The following CACNA1C variants were observed in gnomAD, a reference collection of about 807,000 sequenced individuals.
The protein encoded by CACNA1C is voltage-dependent L-type calcium channel subunit alpha-1C.
A neutral mutation model predicts 229.0 loss-of-function variants in CACNA1C; 30 were observed. That is an observed-to-expected ratio of 0.13 (90% CI 0.10 to 0.18). CACNA1C has a LOEUF of 0.18. CACNA1C is among the 10% of genes least tolerant of loss of function. The pLI, the probability that CACNA1C is intolerant of heterozygous loss-of-function variation, is 1.00. For synonymous variants in CACNA1C, 1,114 were observed against 1,132.5 expected, an observed-to-expected ratio of 0.98 and a Z score of 0.33; for missense variants, 1,658 against 2,845.0, an observed-to-expected ratio of 0.58 and a Z score of 9.49.
intron 3 of CACNA1C, among the ~76,000 whole-genome samples, chr12:2,270,820 C>T (rs550593577): frequency 2.6e-5 from 4 of 152,302 alleles, no homozygotes; most frequent in South Asian, 2.1e-4. Context: ...ACTCCACCTG[C>T]GGGGAGAGCA....
At chr12:2,214,642 T>A (rs2059495485) in intron 3 of CACNA1C, among the ~76,000 whole-genome samples, 1 of 82,870 alleles carries the variant, frequency 1.2e-5, no homozygotes, top group Non-Finnish European at 2.4e-5. Flanking sequence ...GGGATGGCCC[T>A]GTATGCCCTC....
At chr12:2,031,896 C>T (rs2048286189) in intron 1 of CACNA1C, among the ~76,000 whole-genome samples, 1 of 152,124 alleles carries the variant, frequency 6.6e-6, no homozygotes, top group Non-Finnish European at 1.5e-5. Flanking sequence ...TGGGCTGTGT[C>T]TTTTCATGAG....
chr12:2,691,101 C>T lies in CACNA1C; in HGVS notation c.6319C>T (p.Arg2107Ter). 1 of 1,612,040 alleles carries T rather than the reference C, an allele frequency of 6.2e-7. No individual in the cohort carries two copies. Among genetic ancestry groups the T allele is most frequent in the South Asian group, 1.1e-5 (1 of 90,842 alleles). ...GAACTGCAGGGACGCGGGGCAGGAC[C>T]GAGCCGGGGGCGAAGAGGACGCGGG... ...FVNCRDAGQD[R>*]AGGEEDAGCV... The change falls in exon 47 of 47, where the codon CGA becomes TGA. Residue 2107 changes from arginine to a stop codon, truncating the protein, a stop_gained. Coordinates refer to ENST00000399655, the MANE Select transcript of CACNA1C (RefSeq NM_000719.7). LOFTEE classifies it low-confidence loss of function (END_TRUNC).
At chr12:2,443,821 A>G (rs1008862481) in intron 3 of CACNA1C, among the ~76,000 whole-genome samples, 2 of 152,276 alleles carry the variant, frequency 1.3e-5, no homozygotes, top group African/African-American at 2.4e-5. Flanking sequence ...TGACAGCACA[A>G]CGTATGTTTT....
At chr12:2,475,783 C>T (rs778335565) in intron 5 of CACNA1C, among the ~76,000 whole-genome samples, 2 of 152,002 alleles carry the variant, frequency 1.3e-5, no homozygotes, top group Non-Finnish European at 1.5e-5. Flanking sequence ...CTGACAGAAT[C>T]GTTATTTTTA....
rs1041563123 is a variant in CACNA1C, at chr12:2,136,445, TC to T, written c.477+16018del. ...TGGGATTCCAGCCTGGGTGTGTGGCTCCCAAGTCTGTGCTTTTAACTGCTAT... is the reference window on the plus strand; with the variant it reads ...TGGGATTCCAGCCTGGGTGTGTGGCTCCAAGTCTGTGCTTTTAACTGCTAT... On this transcript the variant is annotated intron_variant, in intron 3 of 46. Transcript: ENST00000399655. Among the ~76,000 whole-genome samples the T allele has an allele frequency of 5.9e-5, 9 of 151,390 alleles. 1 individual carries two copies. In the Admixed American group the frequency reaches 6.0e-4, roughly 10 times the overall value.
intron 3 of CACNA1C, among the ~76,000 whole-genome samples, chr12:2,318,277 G>A (rs2095798588): frequency 6.6e-6 from 1 of 152,264 alleles, no homozygotes; most frequent in Non-Finnish European, 1.5e-5. Flanking sequence ...TGGAGCTGTG[G>A]AGTGTAATTA....
At chr12:1,985,892 G>C (rs1180629241) in intron 1 of CACNA1C, among the ~76,000 whole-genome samples, 1 of 151,968 alleles carries the variant, frequency 6.6e-6, no homozygotes, top group Non-Finnish European at 1.5e-5. Flanking sequence ...CTCACTGCAA[G>C]CTCCACCTCC....
At chr12:2,507,838 C>G (rs1184220598) in intron 8 of CACNA1C, among the ~76,000 whole-genome samples, 1 of 152,224 alleles carries the variant, frequency 6.6e-6, no homozygotes, top group Non-Finnish European at 1.5e-5. Context: ...ACTTCTATCC[C>G]TGACCTCTGT....
chr12:2,053,577 T>A lies in CACNA1C; in HGVS notation c.15T>A (p.Asn5Lys), dbSNP rs1160042766. The A allele has an allele frequency of 6.2e-7, 1 of 1,600,270 alleles. No homozygotes were observed. Among genetic ancestry groups the A allele is most frequent in the Non-Finnish European group, 8.5e-7 (1 of 1,173,430 alleles). Residue 5 changes from asparagine (N) to lysine (K), a missense_variant, in exon 1 of 47, where the codon AAT becomes AAA. This residue lies in a region of CACNA1C where 111 missense variants were observed against 128.0 expected (regional missense o/e 0.87). Transcript: ENST00000399655. The surrounding 1 kb of genome is among the most constrained non-coding windows in gnomAD (Gnocchi z 5.8). MVNE[N>K]TRMYIPEENH... ...ATTTTTGGTCCATGGTCAATGAGAA[T>A]ACGAGGATGTACATTCCAGAGGAAA... is the stretch of plus-strand genomic sequence containing the variant.
chr12:2,555,366 G>A (rs1430555837), intron 10 of CACNA1C, among the ~76,000 whole-genome samples: 1 of 152,210 alleles, frequency 6.6e-6, no homozygotes, highest in African/African-American at 2.4e-5. Context: ...AAGAAGGCCT[G>A]GGACCAGGCT....
intron 29 of CACNA1C, among the ~76,000 whole-genome samples, chr12:2,619,578 C>T (rs778265438): frequency 1.3e-5 from 2 of 152,100 alleles, no homozygotes; most frequent in Non-Finnish European, 2.9e-5. Flanking sequence ...GCATCAACGA[C>T]GCTACCAGCA....
intron 1 of CACNA1C, among the ~76,000 whole-genome samples, chr12:2,047,449 C>T (rs1021053535): frequency 2.0e-5 from 3 of 152,176 alleles, no homozygotes; most frequent in African/African-American, 7.2e-5. Context: ...GCCAGGTGTC[C>T]ACATGCCCAT....
intron 3 of CACNA1C, among the ~76,000 whole-genome samples, chr12:2,358,639 T>C (rs1426063280): frequency 6.6e-6 from 1 of 152,204 alleles, no homozygotes; most frequent in South Asian, 2.1e-4. Context: ...GACGAGTTTC[T>C]AAGTGCACTA....
intron 7 of CACNA1C, among the ~76,000 whole-genome samples, chr12:2,497,847 C>A (rs939512080): frequency 3.3e-5 from 5 of 152,122 alleles, no homozygotes; most frequent in Non-Finnish European, 7.3e-5. Flanking sequence ...GTTCAGCCAA[C>A]AGGAGACTCT....
At chr12:2,414,677 G>A (rs1277241971) in intron 3 of CACNA1C, among the ~76,000 whole-genome samples, 1 of 152,088 alleles carries the variant, frequency 6.6e-6, no homozygotes. Flanking sequence ...AGTGTCACAG[G>A]GCATACGAGC....
chr12:2,639,827 A>G lies in CACNA1C; in HGVS notation c.3912+5447A>G, dbSNP rs533908242. Among the ~76,000 whole-genome samples, 1 of 152,120 alleles carries G rather than the reference A, an allele frequency of 6.6e-6. No individual in the cohort carries two copies. The highest frequency in any genetic ancestry group is 1.9e-4 in the East Asian group (1 of 5,188). On this transcript the variant is annotated intron_variant, in intron 30 of 46. Coordinates refer to ENST00000399655, the MANE Select transcript of CACNA1C (RefSeq NM_000719.7). The surrounding 1 kb of genome is among the most constrained non-coding windows in gnomAD (Gnocchi z 4.2). ...CAGTGCTGAAGGGCAGCAAGGGAGG[A>G]CAGGCTCCCTTGGCTTTGGTGGAGC...
chr12:2,476,695 A>G (rs778392646), intron 5 of CACNA1C, among the ~76,000 whole-genome samples: 3 of 152,154 alleles, frequency 2.0e-5, no homozygotes, highest in Admixed American at 6.5e-5. Context: ...TATTTTAATT[A>G]CTCCTAAAGT....
intron 1 of CACNA1C, among the ~76,000 whole-genome samples, chr12:2,017,358 A>G (rs2154485777): frequency 6.6e-6 from 1 of 152,354 alleles, no homozygotes; most frequent in East Asian, 1.9e-4. Context: ...GAATTCCGTT[A>G]GTACTTTTTA....
Sources: allele counts gnomAD v4.1 joint callset (sites outside exome capture counted in the v4.1 genomes callset), GRCh38; gene constraint gnomAD v4.1.1; regional missense constraint gnomAD v4.1.1; non-coding constraint Gnocchi (gnomAD v3.1); transcripts MANE v1.5; gene names NCBI Gene and HGNC (gene_info 2026-07-23, HGNC 2026-07-21).